GALNT18: variants seen among roughly 807,000 people sequenced by gnomAD.
GALNT18 encodes GalNAc-transferase 18.
Under a neutral mutation model 69.5 loss-of-function variants are expected in GALNT18, and 44 were observed. The observed-to-expected ratio is 0.63, with a 90% confidence interval of 0.50 to 0.81. GALNT18 has a LOEUF of 0.81. Among genes scored for constraint, GALNT18 ranks in the 40% least tolerant of loss-of-function variants. The pLI, the probability that GALNT18 is intolerant of heterozygous loss-of-function variation, is 0.00. For missense variants in GALNT18, 715 were observed against 810.0 expected (o/e 0.88, Z 1.42); for synonymous variants, 364 against 318.2 (o/e 1.14, Z -1.53).
At chr11:11,558,258 C>G (rs1003378840) in intron 1 of GALNT18, among the ~76,000 whole-genome samples, 1 of 151,930 alleles carries the variant, frequency 6.6e-6, no homozygotes, top group Admixed American at 6.5e-5. Flanking sequence ...TTTTTTTCTC[C>G]CCCTCTGAAA....
rs574347945 is a variant in GALNT18 at position 11,309,017 on chromosome 11, G to A, written c.1513-15824C>T. On this transcript the variant is annotated intron_variant, in intron 9 of 10. Transcript: ENST00000227756. This position sits in a 1 kb window ranked among gnomAD's most constrained non-coding sequence, Gnocchi z 4.6. ...TTTGACTGTGTCCCCCAAAGTTCAT[G>A]TGTTGAAAACTTGATCCTTAATGTG... is the stretch of plus-strand genomic sequence containing the variant. Among the ~76,000 whole-genome samples, 5 of 152,330 alleles carry A rather than the reference G, an allele frequency of 3.3e-5. No individual in the cohort carries two copies. The highest frequency in any genetic ancestry group is 1.2e-4 in the African/African-American group (5 of 41,578).
chr11:11,308,264 A>G (rs1046775596), intron 9 of GALNT18, among the ~76,000 whole-genome samples: 18 of 152,202 alleles, frequency 1.2e-4, no homozygotes, highest in Admixed American at 7.8e-4. Flanking sequence ...TTCCTGGAGG[A>G]AACCAGTCTC....
intron 3 of GALNT18, among the ~76,000 whole-genome samples, chr11:11,390,299 T>C (rs1589962461): frequency 1.3e-5 from 2 of 152,188 alleles, no homozygotes; most frequent in Admixed American, 1.3e-4. Flanking sequence ...TACCTCCACC[T>C]GGAACATTCT....
intron 1 of GALNT18, among the ~76,000 whole-genome samples, chr11:11,581,219 T>C (rs1036394203): frequency 2.0e-5 from 3 of 152,182 alleles, no homozygotes; most frequent in Admixed American, 2.0e-4. Context: ...GCACTGTCCA[T>C]GCTGGTGTTG....
intron 10 of GALNT18, among the ~76,000 whole-genome samples, chr11:11,279,023 T>C (rs1046922730): frequency 1.3e-5 from 2 of 152,206 alleles, no homozygotes; most frequent in East Asian, 3.9e-4. Flanking sequence ...TTGAATGTGA[T>C]CCCCAGGGTT....
rs534088844 is a variant in GALNT18 at position 11,546,460 on chromosome 11, C to T, written c.235+74899G>A. 6.4e-4 allele frequency among the ~76,000 whole-genome samples: 98 copies of T among 152,322 alleles called. No homozygotes were observed. Among genetic ancestry groups the T allele is most frequent in the African/African-American group, 2.3e-3 (97 of 41,552 alleles). ...ATCTCTTGCCTGTACTTGAGGACAT[C>T]CCAGCGCTTATCATCTCAGAACCTA... On this transcript the variant is annotated intron_variant, in intron 1 of 10. Coordinates refer to ENST00000227756, the MANE Select transcript of GALNT18 (RefSeq NM_198516.3). This position sits in a 1 kb window ranked among gnomAD's most constrained non-coding sequence, Gnocchi z 5.8.
rs1015270676 is a variant in GALNT18, at chr11:11,314,490, C to T, written c.1512+12596G>A. 2.0e-5 allele frequency among the ~76,000 whole-genome samples: 3 copies of T among 152,062 alleles called. No individual in the cohort carries two copies. Among genetic ancestry groups the T allele is most frequent in the African/African-American group, 7.2e-5 (3 of 41,394 alleles). Reference sequence around the variant, plus strand: ...CTAACATCTGTGTGCCTATAACATCCGTTGGCTCCCTCCCTGTCTGCCTGC... The same window carrying T: ...CTAACATCTGTGTGCCTATAACATCTGTTGGCTCCCTCCCTGTCTGCCTGC... On this transcript the variant is annotated intron_variant, in intron 9 of 10. Transcript: ENST00000227756. The surrounding 1 kb of genome is among the most constrained non-coding windows in gnomAD (Gnocchi z 5.2).
chr11:11,443,988 G>A (rs1855589093), intron 2 of GALNT18, among the ~76,000 whole-genome samples: 3 of 152,346 alleles, frequency 2.0e-5, no homozygotes, highest in South Asian at 2.1e-4. Context: ...ATTCATAGGT[G>A]TGGGGGATTA....
intron 1 of GALNT18, among the ~76,000 whole-genome samples, chr11:11,467,173 G>A (rs182598895): frequency 6.6e-6 from 1 of 152,242 alleles, no homozygotes; most frequent in Admixed American, 6.5e-5. Flanking sequence ...TATGCTATGT[G>A]TGCCCACGGC....
chr11:11,591,001 G>A lies in GALNT18; in HGVS notation c.235+30358C>T, dbSNP rs2133927561. On this transcript the variant is annotated intron_variant, in intron 1 of 10. Coordinates refer to ENST00000227756, the MANE Select transcript of GALNT18 (RefSeq NM_198516.3). The surrounding 1 kb of genome is among the most constrained non-coding windows in gnomAD (Gnocchi z 4.8). ...CTACTTAATTTTTTTTAAGTTAACT[G>A]TAAGACAGTCTCAGGTAGGTCCTTC... 6.6e-6 allele frequency among the ~76,000 whole-genome samples: 1 copy of A among 152,114 alleles called. No homozygotes were observed. The highest frequency in any genetic ancestry group is 2.4e-5 in the African/African-American group (1 of 41,490).
intron 1 of GALNT18, among the ~76,000 whole-genome samples, chr11:11,553,685 C>CT (rs1181021731): frequency 1.3e-5 from 2 of 152,052 alleles, no homozygotes; most frequent in Middle Eastern, 3.2e-3. Flanking sequence ...CAAGCTCCCC[C>CT]CCAGCACCCC....
rs751358045 is a variant in GALNT18, at chr11:11,340,781, C to G, written c.1278+38G>C. On this transcript the variant is annotated intron_variant, in intron 7 of 10. Transcript: ENST00000227756. The surrounding 1 kb of genome is among the most constrained non-coding windows in gnomAD (Gnocchi z 4.2). ...ATATCTTGTTTTGTTTGTTTTCCACCAATCCCCGAGAAACTCATCCCTACC... is the reference window on the plus strand; with the variant it reads ...ATATCTTGTTTTGTTTGTTTTCCACGAATCCCCGAGAAACTCATCCCTACC... The G allele has an allele frequency of 2.6e-6, 4 of 1,552,682 alleles. No homozygotes were observed. The highest frequency in any genetic ancestry group is 3.5e-6 in the Non-Finnish European group (4 of 1,144,660).
At chr11:11,274,027 C>T (rs191586843) in intron 10 of GALNT18, among the ~76,000 whole-genome samples, 59 of 152,204 alleles carry the variant, frequency 3.9e-4, no homozygotes, top group African/African-American at 1.4e-3. Context: ...GTGTAGCCCA[C>T]GGAGGACAAG....
chr11:11,578,789 G>A (rs557842720), intron 1 of GALNT18, among the ~76,000 whole-genome samples: 21 of 152,210 alleles, frequency 1.4e-4, no homozygotes, highest in Non-Finnish European at 1.5e-5. Context: ...CAAAATCAAT[G>A]AAGGGGAGAA....
At chr11:11,520,538 G>A (rs941515708) in intron 1 of GALNT18, among the ~76,000 whole-genome samples, 8 of 152,222 alleles carry the variant, frequency 5.3e-5, no homozygotes, top group Non-Finnish European at 8.8e-5. Flanking sequence ...ATGACCTAGG[G>A]CCTGTGTGGC....
At chr11:11,368,639 G>A (rs1160790322) in intron 6 of GALNT18, among the ~76,000 whole-genome samples, 2 of 152,050 alleles carry the variant, frequency 1.3e-5, no homozygotes, top group African/African-American at 4.8e-5. Context: ...CTGCCCATCT[G>A]TTGAGCTTTT....
chr11:11,536,651 C>CAAA, intron 1 of GALNT18, among the ~76,000 whole-genome samples: 1 of 137,172 alleles, frequency 7.3e-6, no homozygotes. Flanking sequence ...AAAATTGAGA[C>CAAA]AAAAAAAAAA....
chr11:11,436,142 G>A lies in GALNT18; in HGVS notation c.429-3355C>T, dbSNP rs1855397667. On this transcript the variant is annotated intron_variant, in intron 2 of 10. Coordinates refer to ENST00000227756, the MANE Select transcript of GALNT18 (RefSeq NM_198516.3). The surrounding 1 kb of genome is among the most constrained non-coding windows in gnomAD (Gnocchi z 4.5). ...ATGGGGGGATCGTTTTTGGGAAAGC[G>A]TTTGAAGGGGATGAAGTCACCCAGG... 3.3e-5 allele frequency among the ~76,000 whole-genome samples: 5 copies of A among 152,214 alleles called. No individual in the cohort carries two copies. The highest frequency in any genetic ancestry group is 2.6e-4 in the Admixed American group (4 of 15,286).
At chr11:11,310,389 G>A (rs570226188) in intron 9 of GALNT18, among the ~76,000 whole-genome samples, 1 of 152,288 alleles carries the variant, frequency 6.6e-6, no homozygotes, top group African/African-American at 2.4e-5. Context: ...TTAAACACCT[G>A]GAGTGCCCCA....
Sources: gnomAD v4.1 joint callset for allele counts (sites outside exome capture counted in the v4.1 genomes callset) on GRCh38, gnomAD v4.1.1 for gene constraint, Gnocchi (gnomAD v3.1) non-coding constraint, MANE v1.5 for transcripts, NCBI Gene and HGNC (gene_info 2026-07-23, HGNC 2026-07-21) for gene names.